Variants in SLC4A7 observed in about 807,000 individuals in gnomAD.
The protein encoded by SLC4A7 is sodium bicarbonate cotransporter 3.
A neutral mutation model predicts 137.6 loss-of-function variants in SLC4A7; 51 were observed. The observed-to-expected ratio is 0.37, with a 90% CI of 0.30 to 0.47. The LOEUF is 0.47. SLC4A7 is among the 20% of genes least tolerant of loss of function. SLC4A7 has a pLI of 1.00. For synonymous variants in SLC4A7, 542 were observed against 518.6 expected (o/e 1.05, Z -0.61); for missense variants, 1,247 against 1,525.4 (o/e 0.82, Z 3.04).
chr3:27,421,652 G>A lies in SLC4A7; in HGVS notation c.1394C>T (p.Thr465Ile). The A allele has an allele frequency of 6.2e-7, 1 of 1,613,952 alleles. No individual in the cohort carries two copies. Among genetic ancestry groups the A allele is most frequent in the Non-Finnish European group, 8.5e-7 (1 of 1,179,860 alleles). Residue 465 changes from threonine to isoleucine, a missense_variant, in exon 9 of 26, where the codon ACA becomes ATA. Thr to Ile is a moderately conservative substitution (Grantham distance 89). Around this residue, in one of 6 missense-constraint regions of SLC4A7, gnomAD observed 499 missense variants for 664.2 expected, o/e 0.75. Transcript: ENST00000454389. ...TGGAACAGGGACCTCAGTCAACCCT[G>A]TAAGGAGGACAGCAGGAGCCAGTCT... ...FVRLAPAVLL[T>I]GLTEVPVPTR...
intron 21 of SLC4A7, among the ~76,000 whole-genome samples, chr3:27,390,621 A>G (rs2051441143): frequency 6.6e-6 from 1 of 152,192 alleles, no homozygotes; most frequent in Non-Finnish European, 1.5e-5. Context: ...AGCCCTAATC[A>G]TCTCACAAAA....
At position 27,378,484 on chromosome 3, in the gene SLC4A7, A is replaced by G. The variant is rs559170471; in HGVS notation, c.3698+765T>C. The stretch of plus-strand genomic sequence containing the variant: ...ATTCATTTCTCCAGAGGCTTAAGGG[A>G]TTAAAGTACTAATGATTACCAAACA... On this transcript the variant is annotated intron_variant, in intron 25 of 25. Coordinates refer to ENST00000454389, the MANE Select transcript of SLC4A7 (RefSeq NM_001321103.2). 5.9e-5 allele frequency among the ~76,000 whole-genome samples: 9 copies of G among 152,332 alleles called. No homozygotes were observed. In the South Asian group the frequency reaches 1.9e-3, roughly 32 times the overall value.
intron 3 of SLC4A7, among the ~76,000 whole-genome samples, chr3:27,438,490 G>A (rs1419046517): frequency 1.3e-5 from 2 of 151,306 alleles, no homozygotes; most frequent in Non-Finnish European, 1.5e-5. Flanking sequence ...GGGCGACAGA[G>A]CAAGACTCCA....
intron 7 of SLC4A7, among the ~76,000 whole-genome samples, chr3:27,428,030 G>C (rs1337119521): frequency 6.6e-6 from 1 of 152,064 alleles, no homozygotes; most frequent in Admixed American, 6.6e-5. Context: ...CATTGTTACT[G>C]ATCAATGTAA....
At chr3:27,460,265 C>T (rs2058627730) in intron 1 of SLC4A7, among the ~76,000 whole-genome samples, 1 of 151,964 alleles carries the variant, frequency 6.6e-6, no homozygotes, top group Non-Finnish European at 1.5e-5. Context: ...AACTTCTGGC[C>T]CCAAAAGATA....
chr3:27,391,714 A>C (rs2051574172), intron 21 of SLC4A7, 26 bp downstream of exon 21: 1 of 1,292,872 alleles, frequency 7.7e-7, no homozygotes, highest in African/African-American at 1.5e-5. Context: ...GTTTCTATAG[A>C]AAATCATTAA....
chr3:27,475,349 G>C (rs1235488804), intron 1 of SLC4A7, among the ~76,000 whole-genome samples: 1 of 150,684 alleles, frequency 6.6e-6, no homozygotes, highest in Non-Finnish European at 1.5e-5. Context: ...AGCCCTACGA[G>C]ATAAGTTTAA....
At chr3:27,447,640 C>CTTTTTTTTTTTTTTT (rs71087609) in intron 3 of SLC4A7, among the ~76,000 whole-genome samples, 2 of 99,700 alleles carry the variant, frequency 2.0e-5, no homozygotes, top group East Asian at 3.2e-4. Context: ...TTTTACAGCC[C>CTTTTTTTTTTTTTTT]TTTTTTTTTT....
intron 7 of SLC4A7, among the ~76,000 whole-genome samples, chr3:27,430,110 G>A (rs2056113140): frequency 6.6e-6 from 1 of 151,922 alleles, no homozygotes; most frequent in Non-Finnish European, 1.5e-5. Context: ...TCAGAATGCT[G>A]AGTCAGGAGG....
chr3:27,427,163 G>A (rs780480388), intron 7 of SLC4A7, among the ~76,000 whole-genome samples: 5 of 152,134 alleles, frequency 3.3e-5, no homozygotes, highest in Admixed American at 6.5e-5. Context: ...AGCTAGCCAA[G>A]GATATTGCTA....
intron 2 of SLC4A7, among the ~76,000 whole-genome samples, chr3:27,449,985 T>C (rs960754107): frequency 6.6e-6 from 1 of 152,160 alleles, no homozygotes; most frequent in Non-Finnish European, 1.5e-5. Flanking sequence ...TAACATTTAC[T>C]TGTAACCACA....
chr3:27,375,582 A>G lies in SLC4A7; in HGVS notation c.*1182T>C, dbSNP rs1030879313. The G allele has an allele frequency of 1.3e-5, 2 of 152,574 alleles. No individual in the cohort carries two copies. Among genetic ancestry groups the G allele is most frequent in the African/African-American group, 4.8e-5 (2 of 41,572 alleles). The allele number at this position is 152,574 out of a possible 1,614,324, so 9.5% of individuals were successfully genotyped here. ...AATATGGCAGTGCTTTATATCAAAG[A>G]TGTAAAATCTATCAATTGCTTTAAG... On this transcript the variant is annotated 3_prime_UTR_variant, in exon 26 of 26. Transcript: ENST00000454389.
chr3:27,389,667 T>C (rs2051333098), intron 22 of SLC4A7, among the ~76,000 whole-genome samples: 1 of 152,170 alleles, frequency 6.6e-6, no homozygotes, highest in Non-Finnish European at 1.5e-5. Flanking sequence ...ATGAACGTCC[T>C]GAATTCTGAA....
chr3:27,385,795 G>T, intron 23 of SLC4A7, 97 bp downstream of exon 23: 1 of 795,568 alleles, frequency 1.3e-6, no homozygotes, highest in Non-Finnish European at 1.9e-6. Context: ...AGGATGAAAG[G>T]AACTGATTCA....
chr3:27,482,026 G>C (rs191575608), intron 1 of SLC4A7, among the ~76,000 whole-genome samples: 1 of 152,072 alleles, frequency 6.6e-6, no homozygotes, highest in Non-Finnish European at 1.5e-5. Flanking sequence ...CCAGCTACTC[G>C]GGAGGCTGAG....
At position 27,442,419 on chromosome 3, in the gene SLC4A7, G is replaced by A. The variant is rs868563038; in HGVS notation, c.290-4893C>T. 4.0e-5 allele frequency among the ~76,000 whole-genome samples: 6 copies of A among 150,648 alleles called. No individual in the cohort carries two copies. The East Asian group carries it at 5.9e-4, about 15-fold the overall frequency. On this transcript the variant is annotated intron_variant, in intron 3 of 25. Coordinates refer to ENST00000454389, the MANE Select transcript of SLC4A7 (RefSeq NM_001321103.2). ...TGACGTCATCCACATGAAATGTGAC[G>A]TCAAAAACTACAGCTCATTTTCTTT...
At chr3:27,446,787 G>C (rs572468725) in intron 3 of SLC4A7, among the ~76,000 whole-genome samples, 1 of 148,084 alleles carries the variant, frequency 6.8e-6, no homozygotes, top group South Asian at 2.1e-4. Flanking sequence ...TTCAGTGTTT[G>C]TTTTTCCTTT....
chr3:27,435,476 T>C (rs923812233), intron 5 of SLC4A7, among the ~76,000 whole-genome samples: 1 of 152,188 alleles, frequency 6.6e-6, no homozygotes, highest in African/African-American at 2.4e-5. Flanking sequence ...TCTTCCTGAA[T>C]GTGTATCTCA....
chr3:27,373,773 C>CT lies in SLC4A7; in HGVS notation c.*2990dup, dbSNP rs899088032. ...AATTTAAGTACGTGGAAGAAATAAA[C>CT]TTTTTTGGATGAAGAAAACAAGTTA... On this transcript the variant is annotated 3_prime_UTR_variant, in exon 26 of 26. Transcript: ENST00000454389. 7.9e-5 allele frequency: 12 copies of CT among 152,586 alleles called. No homozygotes were observed. In the South Asian group the frequency reaches 1.0e-3, roughly 13 times the overall value. 9.5% of individuals were successfully genotyped at this position (152,586 alleles called of 1,614,324 possible). A position where few individuals can be genotyped will look rare whatever the true frequency, so the allele number is the denominator to read the frequency against.
Sources: gnomAD v4.1 joint callset for allele counts (sites outside exome capture counted in the v4.1 genomes callset) on GRCh38, gnomAD v4.1.1 for gene constraint, gnomAD v4.1.1 regional missense constraint, MANE v1.5 for transcripts, NCBI Gene and HGNC (gene_info 2026-07-23, HGNC 2026-07-21) for gene names.